JAK2: variants seen among roughly 807,000 people sequenced by gnomAD.
The protein encoded by JAK2 is tyrosine-protein kinase JAK2.
Under a neutral mutation model 139.3 loss-of-function variants are expected in JAK2, and 86 were observed. That is an observed-to-expected ratio of 0.62 (90% CI 0.52 to 0.74). JAK2 has a LOEUF of 0.74. JAK2 is among the 30% of genes least tolerant of loss of function. JAK2 has a pLI of 0.00. For synonymous variants in JAK2, 490 were observed against 437.7 expected (o/e 1.12, Z -1.49); for missense variants, 1,421 against 1,360.3 (o/e 1.04, Z -0.70).
rs1223928108 is a variant in JAK2, at chr9:5,127,222, G to A, written c.*431G>A. ...TTGTGTGATGTTTTACACACATGAGGGCTGGTGTTCATTAATACTGTTTTC... is the reference window on the plus strand; with the variant it reads ...TTGTGTGATGTTTTACACACATGAGAGCTGGTGTTCATTAATACTGTTTTC... On this transcript the variant is annotated 3_prime_UTR_variant, in exon 25 of 25. Coordinates refer to ENST00000381652, the MANE Select transcript of JAK2 (RefSeq NM_004972.4). 4 of 232,902 alleles carry A rather than the reference G, an allele frequency of 1.7e-5. No individual in the cohort carries two copies. Among genetic ancestry groups the A allele is most frequent in the Admixed American group, 1.1e-4 (2 of 17,736 alleles). 14.4% of individuals were successfully genotyped at this position (232,902 alleles called of 1,614,324 possible). A position where few individuals can be genotyped will look rare whatever the true frequency, so the allele number is the denominator to read the frequency against.
At chr9:5,033,755 AG>A (rs1328312459) in intron 4 of JAK2, among the ~76,000 whole-genome samples, 1 of 152,230 alleles carries the variant, frequency 6.6e-6, no homozygotes, top group Non-Finnish European at 1.5e-5. Context: ...AAACATAGAA[AG>A]GAACAACTGG....
chr9:5,020,798 TG>T (rs1351966113), intron 2 of JAK2, among the ~76,000 whole-genome samples: 5 of 152,102 alleles, frequency 3.3e-5, no homozygotes, highest in Middle Eastern at 3.4e-3. Context: ...CAGCCAGCAA[TG>T]GAGGTGACTG....
At chr9:5,047,078 A>G (rs1817060872) in intron 5 of JAK2, among the ~76,000 whole-genome samples, 1 of 152,112 alleles carries the variant, frequency 6.6e-6, no homozygotes. Flanking sequence ...ATAATTCTAA[A>G]TTATGTCTAG....
chr9:4,995,108 T>G (rs1217664674), intron 2 of JAK2, among the ~76,000 whole-genome samples: 1 of 152,214 alleles, frequency 6.6e-6, no homozygotes, highest in Non-Finnish European at 1.5e-5. Flanking sequence ...ATGACTTGAT[T>G]GTTGCCAACT....
chr9:5,024,547 C>T (rs1455798681), intron 3 of JAK2, among the ~76,000 whole-genome samples: 1 of 151,914 alleles, frequency 6.6e-6, no homozygotes, highest in East Asian at 1.9e-4. Flanking sequence ...AAGTTCTGTT[C>T]CTTGGGCATG....
chr9:4,995,749 A>G (rs1267454964), intron 2 of JAK2, among the ~76,000 whole-genome samples: 2 of 152,240 alleles, frequency 1.3e-5, no homozygotes, highest in Non-Finnish European at 2.9e-5. Flanking sequence ...GAATAGAAGC[A>G]GATCTTTTTG....
intron 8 of JAK2, among the ~76,000 whole-genome samples, chr9:5,060,546 G>A (rs1276432090): frequency 6.6e-6 from 1 of 152,160 alleles, no homozygotes; most frequent in South Asian, 2.1e-4. Context: ...TGCATAAGAA[G>A]CAACTTATCT....
chr9:5,069,952 C>A lies in JAK2; in HGVS notation c.1541C>A (p.Thr514Lys). The change falls in exon 12 of 25, where the codon ACG becomes AAG. Residue 514 changes from threonine (T) to lysine (K), a missense_variant. Physicochemically the swap from Thr to Lys is moderately conservative, Grantham distance 78. Coordinates refer to ENST00000381652, the MANE Select transcript of JAK2 (RefSeq NM_004972.4). ...AAATCAAACCTTCTAGTCTTCAGAA[C>A]GAATGGTGTTTCTGATGTACCAACC... ...KDKSNLLVFR[T>K]NGVSDVPTSP... 6.2e-7 allele frequency: 1 copy of A among 1,602,216 alleles called. No homozygotes were observed. The highest frequency in any genetic ancestry group is 8.5e-7 in the Non-Finnish European group (1 of 1,171,218).
intron 2 of JAK2, among the ~76,000 whole-genome samples, chr9:4,998,448 G>C (rs1356450873): frequency 1.3e-5 from 2 of 152,042 alleles, no homozygotes; most frequent in Admixed American, 1.3e-4. Context: ...GTAGAGACGG[G>C]GTTTCACCAT....
intron 22 of JAK2, chr9:5,112,519 G>A (rs3780379): frequency 0.18 from 100,757 of 575,380 alleles, 9,628 homozygotes; most frequent in Middle Eastern, 0.19. Context: ...TTTCCCCCCA[G>A]AGCAGAAGGC....
chr9:5,103,984 A>T (rs1452261674), intron 22 of JAK2, among the ~76,000 whole-genome samples: 2 of 152,216 alleles, frequency 1.3e-5, no homozygotes, highest in African/African-American at 2.4e-5. Flanking sequence ...TAAAATCGAC[A>T]CCTTAACATC....
At chr9:5,064,667 G>C (rs1253109369) in intron 8 of JAK2, among the ~76,000 whole-genome samples, 1 of 152,190 alleles carries the variant, frequency 6.6e-6, no homozygotes, top group African/African-American at 2.4e-5. Flanking sequence ...GATGGCTATA[G>C]AGTGAACTAT....
intron 2 of JAK2, among the ~76,000 whole-genome samples, chr9:5,011,809 C>T (rs1204578421): frequency 2.6e-5 from 4 of 152,154 alleles, no homozygotes; most frequent in African/African-American, 7.2e-5. Context: ...CTTGATCCTG[C>T]GGAGGCTTGG....
chr9:5,099,758 G>C (rs1469514507), intron 22 of JAK2: 1 of 152,120 alleles, frequency 6.6e-6, no homozygotes, highest in African/African-American at 2.4e-5. Flanking sequence ...GGACAAACCT[G>C]ATCCCTTATA....
Position 5,129,918 on chromosome 9 carries a change from A to T in JAK2, c.*3127A>T, listed in dbSNP as rs1256362973. Among the ~76,000 whole-genome samples the T allele has an allele frequency of 1.3e-5, 2 of 152,170 alleles. No homozygotes were observed. The highest frequency in any genetic ancestry group is 2.9e-5 in the Non-Finnish European group (2 of 68,004). The stretch of plus-strand genomic sequence containing the variant: ...TTTTATAATCTTACCTTTTATTTCA[A>T]TATAAATAAAATTCTTCTTAGGTTA... On this transcript the variant is annotated 3_prime_UTR_variant, in exon 25 of 25. Transcript: ENST00000381652.
In JAK2 at chr9:5,021,960, C is replaced by G. The variant is rs1587837137; in HGVS notation, c.-25-3C>G. ...TTTGTAACTTTATTGTTTTCTCTTA[C>G]AGGCAAATGTTCTGAAAAAGACTCT... is the stretch of plus-strand genomic sequence containing the variant. On this transcript the variant is annotated splice_region_variant and splice_polypyrimidine_tract_variant and intron_variant, in intron 2 of 24. Transcript: ENST00000381652. 2 of 1,534,906 alleles carry G rather than the reference C, an allele frequency of 1.3e-6. No homozygotes were observed. The highest frequency in any genetic ancestry group is 9.0e-7 in the Non-Finnish European group (1 of 1,109,628).
At chr9:4,986,558 T>C (rs948522786) in intron 2 of JAK2, among the ~76,000 whole-genome samples, 1 of 152,208 alleles carries the variant, frequency 6.6e-6, no homozygotes, top group Non-Finnish European at 1.5e-5. Context: ...AGAAGGAAAC[T>C]GGAAGTGGGA....
chr9:5,078,472 G>A (rs558613738), intron 16 of JAK2, 28 bp downstream of exon 16: 3 of 1,573,602 alleles, frequency 1.9e-6, no homozygotes, highest in African/African-American at 2.7e-5. Context: ...TATATATAAT[G>A]TTACTAAGCT....
chr9:5,064,892 C>T lies in JAK2; in HGVS notation c.1066C>T (p.Leu356Phe). The change falls in exon 9 of 25, where the codon CTT becomes TTT. Residue 356 changes from leucine to phenylalanine, a missense_variant. Physicochemically the swap from Leu to Phe is conservative, Grantham distance 22 (BLOSUM62 0). Coordinates refer to ENST00000381652, the MANE Select transcript of JAK2 (RefSeq NM_004972.4). Reference sequence around the variant, plus strand: ...TCTTTTCTCTGCTTAGGAAATTGAACTTAGCTCATTAAGGGAAGCTTTGTC... The same window carrying T: ...TCTTTTCTCTGCTTAGGAAATTGAATTTAGCTCATTAAGGGAAGCTTTGTC... ...KQDGKNLEIE[L>F]SSLREALSFV... The T allele has an allele frequency of 6.3e-7, 1 of 1,580,570 alleles. No individual in the cohort carries two copies. Among genetic ancestry groups the T allele is most frequent in the Non-Finnish European group, 8.6e-7 (1 of 1,163,852 alleles).
Sources: allele counts gnomAD v4.1 joint callset (sites outside exome capture counted in the v4.1 genomes callset), GRCh38; gene constraint gnomAD v4.1.1; transcripts MANE v1.5; gene names NCBI Gene and HGNC (gene_info 2026-07-23, HGNC 2026-07-21).